The following ATP8B1 variants were observed in gnomAD, a reference collection of about 807,000 sequenced individuals.
ATP8B1 encodes phospholipid-transporting ATPase IC.
ATP8B1 carries 80 observed loss-of-function variants against 149.9 expected under a neutral mutation model. The observed-to-expected ratio is 0.53, with a 90% CI of 0.45 to 0.64. The LOEUF (loss-of-function observed/expected upper bound fraction) is 0.64. Among genes scored for constraint, ATP8B1 ranks in the 30% least tolerant of loss-of-function variants. The probability of loss-of-function intolerance (pLI) is 0.00; values close to 1 mark genes in which losing one functional copy is unlikely to be tolerated. For missense variants in ATP8B1, 1,247 were observed against 1,552.6 expected (o/e 0.80, Z 3.31); for synonymous variants, 536 against 562.8 (o/e 0.95, Z 0.67).
intron 17 of ATP8B1, among the ~76,000 whole-genome samples, 191 bp from the exon 18 acceptor site, chr18:57,669,673 A>G (rs1911113145): frequency 6.6e-6 from 1 of 151,898 alleles, no homozygotes; most frequent in Admixed American, 6.5e-5. Context: ...TTTTTGAGAC[A>G]AGGTCTGGCT....
intron 2 of ATP8B1, among the ~76,000 whole-genome samples, chr18:57,711,170 C>CA (rs1473655087): frequency 1.3e-5 from 2 of 152,148 alleles, no homozygotes; most frequent in Non-Finnish European, 2.9e-5. Flanking sequence ...ACCAAATAAT[C>CA]ACACTTCTAG....
At position 57,757,813 on chromosome 18, in the gene ATP8B1, C is replaced by T. The variant is rs35887787; in HGVS notation, c.-25-25981G>A. Among the ~76,000 whole-genome samples, 565 of 152,224 alleles carry T rather than the reference C, an allele frequency of 3.7e-3. 2 individuals are homozygous for T. Among genetic ancestry groups the T allele is most frequent in the Middle Eastern group, 0.02 (6 of 294 alleles). ...AGTTTAAAATTTCTTTGCGAGTTTC[C>T]CTCACCACCCAACTTTAGACAAGAT... On this transcript the variant is annotated intron_variant, in intron 1 of 27. Transcript: ENST00000648908.
At position 57,684,043 on chromosome 18, in the gene ATP8B1, C is replaced by G; in HGVS notation, c.1623G>C (p.Arg541Ser). The G allele has an allele frequency of 6.2e-7, 1 of 1,614,138 alleles. No individual in the cohort carries two copies. The change falls in exon 15 of 28, where the codon AGG (arginine) becomes AGC (serine). Residue 541 changes from arginine to serine, a missense_variant. Physicochemically the swap from Arg to Ser is moderately radical, Grantham distance 110. Transcript: ENST00000648908. ...LAVCHTVMVD[R>S]TDGQLNYQAA... Reference sequence around the variant, plus strand: ...TGCCAGAGAAACACTCACCATCAGTCCTATCCACCATGACTGTGTGGCAAA... The same window carrying G: ...TGCCAGAGAAACACTCACCATCAGTGCTATCCACCATGACTGTGTGGCAAA...
intron 1 of ATP8B1, among the ~76,000 whole-genome samples, chr18:57,772,594 C>T (rs2080272440): frequency 6.6e-6 from 1 of 152,080 alleles, no homozygotes; most frequent in African/African-American, 2.4e-5. Context: ...CAGGGAGAGG[C>T]CATCTGAGTT....
intron 3 of ATP8B1, among the ~76,000 whole-genome samples, chr18:57,705,976 C>T (rs1172100327): frequency 3.3e-5 from 5 of 152,206 alleles, no homozygotes; most frequent in African/African-American, 1.2e-4. Flanking sequence ...ATTCTCTTGG[C>T]TCAGCCTCCC....
intron 24 of ATP8B1, among the ~76,000 whole-genome samples, chr18:57,653,062 A>C (rs1461546160): frequency 6.6e-6 from 1 of 152,182 alleles, no homozygotes; most frequent in Non-Finnish European, 1.5e-5. Flanking sequence ...ATTGTTGCAA[A>C]TCCTTTGGGA....
intron 1 of ATP8B1, among the ~76,000 whole-genome samples, chr18:57,739,091 C>G (rs589516): frequency 0.98 from 148,583 of 152,198 alleles, 72,621 homozygotes; most frequent in East Asian, 1. Flanking sequence ...CACCTCCCTG[C>G]TTCAAGCGAT....
intron 1 of ATP8B1, among the ~76,000 whole-genome samples, chr18:57,768,895 G>A (rs1488436035): frequency 2.6e-5 from 4 of 152,224 alleles, no homozygotes; most frequent in Non-Finnish European, 4.4e-5. Context: ...GCCAGAGGTA[G>A]ATGATAATTC....
In ATP8B1 at chr18:57,647,786, C is replaced by T. The variant is rs1909270230; in HGVS notation, c.*702G>A. The T allele has an allele frequency of 6.5e-6, 1 of 154,236 alleles. No homozygotes were observed. Among genetic ancestry groups the T allele is most frequent in the South Asian group, 2.0e-4 (1 of 4,946 alleles). The allele number at this position is 154,236 out of a possible 1,614,324, so 9.6% of individuals were successfully genotyped here. A position where few individuals can be genotyped will look rare whatever the true frequency, so the allele number is the denominator to read the frequency against. On this transcript the variant is annotated 3_prime_UTR_variant, in exon 28 of 28. Transcript: ENST00000648908. ...TGAGCTGGTGTCTCACTCTGTTGCT[C>T]AGGTTGGAGTGCAGTGCCACGATCT...
rs1423565595 is a variant in ATP8B1 at position 57,802,437 on chromosome 18, C to T, written c.-26+561G>A. Among the ~76,000 whole-genome samples the T allele has an allele frequency of 6.6e-6, 1 of 152,212 alleles. No homozygotes were observed. The highest frequency in any genetic ancestry group is 1.5e-5 in the Non-Finnish European group (1 of 68,030). ...AGCGCACGGAAGATGTCTGGGAGTA[C>T]CTGGCCCTGCCACAGGAGCTGGGGA... On this transcript the variant is annotated intron_variant, in intron 1 of 27. Coordinates refer to ENST00000648908, the MANE Select transcript of ATP8B1 (RefSeq NM_001374385.1). This position sits in a 1 kb window ranked among gnomAD's most constrained non-coding sequence, Gnocchi z 4.9.
intron 1 of ATP8B1, among the ~76,000 whole-genome samples, chr18:57,761,112 T>TATAAAATAAAATAAA (rs55658113): frequency 4.0e-4 from 53 of 133,552 alleles, no homozygotes; most frequent in East Asian, 1.9e-3. Flanking sequence ...TAAAATAAAA[T>TATAAAATAAAATAAA]ATAAAATAAA....
intron 1 of ATP8B1, among the ~76,000 whole-genome samples, chr18:57,787,690 A>T (rs2080423363): frequency 6.6e-6 from 1 of 152,232 alleles, no homozygotes; most frequent in Non-Finnish European, 1.5e-5. Context: ...TTCAGTTTTT[A>T]AAAAGTCTAT....
At chr18:57,714,529 C>A (rs866900437) in intron 2 of ATP8B1, among the ~76,000 whole-genome samples, 19 of 151,174 alleles carry the variant, frequency 1.3e-4, no homozygotes, top group South Asian at 2.1e-4. Flanking sequence ...TATCTCCACC[C>A]CCCTAGCTCT....
chr18:57,674,319 C>T (rs1911452640), intron 16 of ATP8B1, among the ~76,000 whole-genome samples: 3 of 148,884 alleles, frequency 2.0e-5, no homozygotes, highest in African/African-American at 7.4e-5. Flanking sequence ...TTGCAAGATT[C>T]AGAGATACTG....
intron 1 of ATP8B1, among the ~76,000 whole-genome samples, chr18:57,761,388 C>T (rs1011240273): frequency 2.0e-5 from 3 of 152,160 alleles, no homozygotes; most frequent in Non-Finnish European, 2.9e-5. Flanking sequence ...ACGAGCAGTA[C>T]GGCCTTAGCA....
At chr18:57,654,589 G>GATT (rs1433109294) in intron 23 of ATP8B1, among the ~76,000 whole-genome samples, 1 of 152,078 alleles carries the variant, frequency 6.6e-6, no homozygotes, top group East Asian at 1.9e-4. Flanking sequence ...AAAGTGCTGG[G>GATT]ATTATAGGCG....
At chr18:57,734,246 G>A (rs1260782527) in intron 1 of ATP8B1, 1 of 152,138 alleles carries the variant, frequency 6.6e-6, no homozygotes, top group East Asian at 1.9e-4. Context: ...CTAGAGTGCA[G>A]TGGTGCAATC....
chr18:57,759,183 G>C (rs1238249907), intron 1 of ATP8B1, among the ~76,000 whole-genome samples: 1 of 108,054 alleles, frequency 9.3e-6, no homozygotes, highest in African/African-American at 3.7e-5. Context: ...AAAAAAAAAA[G>C]AAATCCATAG....
chr18:57,765,189 C>G (rs2080199092), intron 1 of ATP8B1, among the ~76,000 whole-genome samples: 2 of 152,172 alleles, frequency 1.3e-5, no homozygotes, highest in South Asian at 4.1e-4. Context: ...TATGATTTCA[C>G]TTACATTAGG....
Sources: allele counts gnomAD v4.1 joint callset (sites outside exome capture counted in the v4.1 genomes callset), GRCh38; gene constraint gnomAD v4.1.1; non-coding constraint Gnocchi (gnomAD v3.1); transcripts MANE v1.5; gene names NCBI Gene and HGNC (gene_info 2026-07-23, HGNC 2026-07-21).